The following NHLRC2 variants were observed in gnomAD, a reference collection of about 807,000 sequenced individuals.
NHLRC2 encodes the protein NHL repeat-containing protein 2.
In NHLRC2, 33 loss-of-function variants were observed where a neutral mutation model predicts 68.1. The ratio of observed to expected loss-of-function variants is 0.48; its 90% confidence interval spans 0.37 to 0.65. NHLRC2 has a LOEUF of 0.65. Among genes scored for constraint, NHLRC2 ranks in the 30% least tolerant of loss-of-function variants. The pLI is 0.00. For synonymous variants in NHLRC2, 311 were observed against 309.6 expected (o/e 1.00, Z -0.05); for missense variants, 761 against 853.8 (o/e 0.89, Z 1.35).
intron 2 of NHLRC2, among the ~76,000 whole-genome samples, chr10:113,864,307 G>A (rs1845843121): frequency 6.6e-6 from 1 of 152,150 alleles, no homozygotes; most frequent in Admixed American, 6.5e-5. Context: ...GGAGATGGAG[G>A]ATGGCAATGG....
At position 113,909,442 on chromosome 10, in the gene NHLRC2, G is replaced by T. The variant is rs911015407; in HGVS notation, c.*906G>T. 2.0e-5 allele frequency: 3 copies of T among 152,074 alleles called. No homozygotes were observed. The highest frequency in any genetic ancestry group is 4.4e-5 in the Non-Finnish European group (3 of 67,976). The allele number at this position is 152,074 out of a possible 1,614,324, so 9.4% of individuals were successfully genotyped here. On this transcript the variant is annotated 3_prime_UTR_variant, in exon 11 of 11. Coordinates refer to ENST00000369301, the MANE Select transcript of NHLRC2 (RefSeq NM_198514.4). Reference sequence around the variant, plus strand: ...TAAGCATTAAATGCAGATTTGTTGAGTTTAGGTTTTGAGGTTTTTTTCGTT... The same window carrying T: ...TAAGCATTAAATGCAGATTTGTTGATTTTAGGTTTTGAGGTTTTTTTCGTT...
intron 10 of NHLRC2, among the ~76,000 whole-genome samples, chr10:113,907,293 T>G (rs1462038670): frequency 6.6e-6 from 1 of 152,234 alleles, no homozygotes; most frequent in Non-Finnish European, 1.5e-5. Flanking sequence ...TGAGTCGGTT[T>G]ACTTACCCTG....
intron 5 of NHLRC2, among the ~76,000 whole-genome samples, chr10:113,893,345 T>G (rs1846149659): frequency 6.6e-6 from 1 of 152,206 alleles, no homozygotes; most frequent in South Asian, 2.1e-4. Flanking sequence ...ACTCATAATC[T>G]AGAGTCAGAT....
Position 113,908,622 on chromosome 10 carries a change from T to C in NHLRC2, c.*86T>C. On this transcript the variant is annotated 3_prime_UTR_variant, in exon 11 of 11. Coordinates refer to ENST00000369301, the MANE Select transcript of NHLRC2 (RefSeq NM_198514.4). ...GTAATTTAAGGAAAGAAAACTTCAGTTCTGCCTCTGGATACCAAGATGCCC... is the reference window on the plus strand; with the variant it reads ...GTAATTTAAGGAAAGAAAACTTCAGCTCTGCCTCTGGATACCAAGATGCCC... 1 of 1,349,084 alleles carries C rather than the reference T, an allele frequency of 7.4e-7. No homozygotes were observed. Among genetic ancestry groups the C allele is most frequent in the East Asian group, 2.4e-5 (1 of 41,420 alleles). 83.6% of individuals were successfully genotyped at this position (1,349,084 alleles called of 1,614,324 possible). A position where few individuals can be genotyped will look rare whatever the true frequency, so the allele number is the denominator to read the frequency against.
At chr10:113,899,020 A>G (rs570310969) in intron 6 of NHLRC2, among the ~76,000 whole-genome samples, 77 of 152,118 alleles carry the variant, frequency 5.1e-4, no homozygotes, top group African/African-American at 1.7e-3. Context: ...TCTTCCCCCA[A>G]TACCCCAGGC....
Position 113,874,409 on chromosome 10 carries a change from A to C in NHLRC2, c.332-2112A>C, listed in dbSNP as rs913369581. 2.6e-4 allele frequency among the ~76,000 whole-genome samples: 38 copies of C among 148,716 alleles called. 1 individual carries two copies. The highest frequency in any genetic ancestry group is 2.3e-3 in the Admixed American group (35 of 14,934). On this transcript the variant is annotated intron_variant, in intron 2 of 10. Coordinates refer to ENST00000369301, the MANE Select transcript of NHLRC2 (RefSeq NM_198514.4). ...CCCCCAGGCAACCATTCCTCATTGC[A>C]TCTTTTTTCCCAGCTGCTTTCAAGG... is the stretch of plus-strand genomic sequence containing the variant.
At chr10:113,855,212 C>T (rs1845734984) in intron 1 of NHLRC2, among the ~76,000 whole-genome samples, 162 bp downstream of exon 1, 1 of 152,192 alleles carries the variant, frequency 6.6e-6, no homozygotes, top group African/African-American at 2.4e-5. Context: ...TCTGCAATTC[C>T]CAGGGGTCCC....
intron 10 of NHLRC2, 117 bp from the exon 11 acceptor site, chr10:113,908,163 G>A: frequency 1.4e-6 from 1 of 740,640 alleles, no homozygotes; most frequent in East Asian, 2.7e-5. Flanking sequence ...CGCAATGCCT[G>A]GCACTTAGAG....
At position 113,902,600 on chromosome 10, in the gene NHLRC2, C is replaced by T. The variant is rs369141398; in HGVS notation, c.1494+7C>T. ...AGACTCCTACAATCACAAGGTGAGT[C>T]GTGACAGAATTATATAATATCTTGC... On this transcript the variant is annotated splice_region_variant and intron_variant, in intron 8 of 10. Transcript: ENST00000369301. 1.8e-5 allele frequency: 28 copies of T among 1,597,596 alleles called. No individual in the cohort carries two copies. The highest frequency in any genetic ancestry group is 6.8e-5 in the African/African-American group (5 of 73,684).
chr10:113,908,717 A>C lies in NHLRC2; in HGVS notation c.*181A>C, dbSNP rs797000155. On this transcript the variant is annotated 3_prime_UTR_variant, in exon 11 of 11. Transcript: ENST00000369301. ...TTACTTACTTCTTTTATTATAAACAAATTCCTTTGCTTTGGCTGATACTAG... is the reference window on the plus strand; with the variant it reads ...TTACTTACTTCTTTTATTATAAACACATTCCTTTGCTTTGGCTGATACTAG... The C allele has an allele frequency of 2.3e-5, 14 of 610,644 alleles. 1 individual carries two copies. The African/African-American group carries it at 2.6e-4, about 11-fold the overall frequency. 37.8% of individuals were successfully genotyped at this position (610,644 alleles called of 1,614,324 possible).
intron 2 of NHLRC2, among the ~76,000 whole-genome samples, chr10:113,865,644 A>G (rs1231061319): frequency 6.9e-6 from 1 of 145,484 alleles, no homozygotes; most frequent in African/African-American, 2.6e-5. Flanking sequence ...TGTGCTGAAC[A>G]TGCAGGTTTG....
chr10:113,889,963 G>A (rs1213072986), intron 5 of NHLRC2, among the ~76,000 whole-genome samples: 1 of 152,176 alleles, frequency 6.6e-6, no homozygotes, highest in Non-Finnish European at 1.5e-5. Flanking sequence ...GGTATTTCTA[G>A]TTTTCAGTGG....
At chr10:113,876,438 T>A (rs1845980736) in intron 2 of NHLRC2, 83 bp from the exon 3 acceptor site, 1 of 765,746 alleles carries the variant, frequency 1.3e-6, no homozygotes, top group South Asian at 2.3e-5. Flanking sequence ...TTTTAATATT[T>A]GTGATCCAAA....
At chr10:113,906,547 A>C (rs1846276546) in intron 10 of NHLRC2, among the ~76,000 whole-genome samples, 1 of 151,982 alleles carries the variant, frequency 6.6e-6, no homozygotes, top group Non-Finnish European at 1.5e-5. Context: ...GCCAAAAAAA[A>C]AAAGGCAGCA....
At chr10:113,861,323 T>C (rs937779247) in intron 2 of NHLRC2, among the ~76,000 whole-genome samples, 13 of 152,152 alleles carry the variant, frequency 8.5e-5, no homozygotes, top group African/African-American at 3.1e-4. Context: ...AGAAGTTTAG[T>C]AAACTCCAAG....
rs1325816373 is a variant in NHLRC2 at position 113,916,875 on chromosome 10, C to T, written c.*8339C>T. 1.3e-5 allele frequency: 2 copies of T among 152,172 alleles called. No homozygotes were observed. Among genetic ancestry groups the T allele is most frequent in the African/African-American group, 4.8e-5 (2 of 41,440 alleles). 9.4% of individuals were successfully genotyped at this position (152,172 alleles called of 1,614,324 possible). Reference sequence around the variant, plus strand: ...AAGTTCATATATTGGTATTTCTAGACATAGTCTAGTTCTAAAAGAATGTAC... The same window carrying T: ...AAGTTCATATATTGGTATTTCTAGATATAGTCTAGTTCTAAAAGAATGTAC... On this transcript the variant is annotated 3_prime_UTR_variant, in exon 11 of 11. Transcript: ENST00000369301.
At chr10:113,892,461 T>C (rs1406071729) in intron 5 of NHLRC2, among the ~76,000 whole-genome samples, 1 of 152,128 alleles carries the variant, frequency 6.6e-6, no homozygotes, top group Non-Finnish European at 1.5e-5. Context: ...GTTGTGTAGG[T>C]GTAAGTATAC....
chr10:113,881,588 C>G (rs1205426750), intron 4 of NHLRC2, among the ~76,000 whole-genome samples: 1 of 151,706 alleles, frequency 6.6e-6, no homozygotes, highest in Non-Finnish European at 1.5e-5. Context: ...ACCCCCAACT[C>G]TCACTCCCCT....
At chr10:113,885,569 A>G (rs528436246) in intron 5 of NHLRC2, among the ~76,000 whole-genome samples, 1 of 152,040 alleles carries the variant, frequency 6.6e-6, no homozygotes, top group South Asian at 2.1e-4. Context: ...TATTTGCTCT[A>G]CTTTTGATTA....
Sources: gnomAD v4.1 joint callset for allele counts (sites outside exome capture counted in the v4.1 genomes callset) on GRCh38, gnomAD v4.1.1 for gene constraint, MANE v1.5 for transcripts, NCBI Gene and HGNC (gene_info 2026-07-23, HGNC 2026-07-21) for gene names.